Variants in EPB41L1 observed in about 807,000 individuals in gnomAD.
EPB41L1 encodes band 4.1-like protein 1.
EPB41L1 carries 29 observed loss-of-function variants against 97.8 expected under a neutral mutation model. The observed-to-expected ratio is 0.30, with a 90% confidence interval of 0.22 to 0.40. EPB41L1 has a LOEUF of 0.40. Ranked by LOEUF, EPB41L1 falls within the 10% of genes least tolerant of loss-of-function variation. EPB41L1 has a pLI of 1.00. For missense variants in EPB41L1, 812 were observed against 1,162.3 expected (o/e 0.70, Z 4.38); for synonymous variants, 383 against 459.2 (o/e 0.83, Z 2.12).
chr20:36,207,056 C>T lies in EPB41L1; in HGVS notation c.1669-2432C>T. ...GAGCTGAAGGACCGCGAGGCTTCAG[C>T]ATTTCTTCACATGGAGGTGATCATT... On this transcript the variant is annotated intron_variant, in intron 14 of 21. Coordinates refer to ENST00000338074, the MANE Select transcript of EPB41L1 (RefSeq NM_012156.2). This position sits in a 1 kb window ranked among gnomAD's most constrained non-coding sequence, Gnocchi z 4.9. 1 of 1,289,756 alleles carries T rather than the reference C, an allele frequency of 7.8e-7. No individual in the cohort carries two copies. The highest frequency in any genetic ancestry group is 1.2e-5 in the South Asian group (1 of 81,020). The allele number at this position is 1,289,756 out of a possible 1,614,324, so 79.9% of individuals were successfully genotyped here. A position where few individuals can be genotyped will look rare whatever the true frequency, so the allele number is the denominator to read the frequency against.
At chr20:36,203,393 T>C (rs991858494) in intron 14 of EPB41L1, among the ~76,000 whole-genome samples, 9 of 152,252 alleles carry the variant, frequency 5.9e-5, no homozygotes, top group African/African-American at 2.2e-4. Flanking sequence ...GGGCTGGCAT[T>C]GCCTGGCACA....
Position 36,209,371 on chromosome 20 carries a change from TC to T in EPB41L1, c.1669-115del. 4.2e-6 allele frequency: 5 copies of T among 1,194,310 alleles called. No individual in the cohort carries two copies. Among genetic ancestry groups the T allele is most frequent in the Non-Finnish European group, 4.7e-6 (4 of 858,184 alleles). The allele number at this position is 1,194,310 out of a possible 1,614,324, so 74.0% of individuals were successfully genotyped here. Reference sequence around the variant, plus strand: ...TGTTTTTCATTTCCTGGCCTGCTCTTCCATTCAGGATGTCGACACAGCCCCG... The same window carrying T: ...TGTTTTTCATTTCCTGGCCTGCTCTTCATTCAGGATGTCGACACAGCCCCG... On this transcript the variant is annotated intron_variant, in intron 14 of 21. Transcript: ENST00000338074. This position sits in a 1 kb window ranked among gnomAD's most constrained non-coding sequence, Gnocchi z 4.2.
intron 1 of EPB41L1, among the ~76,000 whole-genome samples, chr20:36,097,305 C>T (rs1247635747): frequency 6.6e-6 from 1 of 152,186 alleles, no homozygotes; most frequent in African/African-American, 2.4e-5. Context: ...TTGCCATGTA[C>T]TAGCTGGGGG....
intron 2 of EPB41L1, among the ~76,000 whole-genome samples, chr20:36,133,055 G>T (rs902973758): frequency 6.6e-6 from 1 of 152,248 alleles, no homozygotes; most frequent in Non-Finnish European, 1.5e-5. Flanking sequence ...AATTACACAA[G>T]TGACTAATTT....
Position 36,206,001 on chromosome 20 carries a change from G to A in EPB41L1, c.1669-3487G>A. On this transcript the variant is annotated intron_variant, in intron 14 of 21. Coordinates refer to ENST00000338074, the MANE Select transcript of EPB41L1 (RefSeq NM_012156.2). This position sits in a 1 kb window ranked among gnomAD's most constrained non-coding sequence, Gnocchi z 5.5. ...GACTCTCCAAGGTAGACGTTCTGGT[G>A]GACAAGTTCAAAGTGGAAGTGGCCA... 7.8e-7 allele frequency: 1 copy of A among 1,289,876 alleles called. No individual in the cohort carries two copies. Among genetic ancestry groups the A allele is most frequent in the South Asian group, 1.2e-5 (1 of 81,032 alleles). The allele number at this position is 1,289,876 out of a possible 1,614,324, so 79.9% of individuals were successfully genotyped here.
Position 36,185,301 on chromosome 20 carries a change from G to C in EPB41L1, c.751G>C (p.Glu251Gln), listed in dbSNP as rs2061638813. 4 of 1,613,492 alleles carry C rather than the reference G, an allele frequency of 2.5e-6. No homozygotes were observed. Among genetic ancestry groups the C allele is most frequent in the Non-Finnish European group, 3.4e-6 (4 of 1,180,052 alleles). The part of the protein sequence containing the change: ...RFAPNQTREL[E>Q]ERIMELHKTY... ...CGCCCCTAACCAGACCCGGGAGCTG[G>C]AGGAGAGGATCATGGAGCTGCATAA... The change falls in exon 7 of 22, where the codon GAG becomes CAG. Residue 251 changes from glutamate (E) to glutamine (Q), a missense_variant. Physicochemically the swap from Glu to Gln is conservative, Grantham distance 29 (BLOSUM62 2). Transcript: ENST00000338074.
chr20:36,132,572 G>GT (rs1555836959), intron 2 of EPB41L1, among the ~76,000 whole-genome samples: 2 of 127,168 alleles, frequency 1.6e-5, no homozygotes, highest in Admixed American at 1.5e-4. Context: ...GTGGGCGGGG[G>GT]GGGGGGGCGC....
intron 1 of EPB41L1, chr20:36,155,522 T>A (rs754649180): frequency 3.0e-4 from 133 of 447,318 alleles, no homozygotes; most frequent in Middle Eastern, 3.9e-4. Context: ...CTTGGGGAGG[T>A]CCAAGGGCCC....
chr20:36,211,257 C>T (rs1461598492), intron 15 of EPB41L1, among the ~76,000 whole-genome samples: 2 of 151,798 alleles, frequency 1.3e-5, no homozygotes, highest in Non-Finnish European at 2.9e-5. Flanking sequence ...CGTGGTGGCA[C>T]CCACCTGTAA....
chr20:36,142,928 G>A (rs918301300), intron 2 of EPB41L1, among the ~76,000 whole-genome samples: 6 of 152,192 alleles, frequency 3.9e-5, no homozygotes, highest in African/African-American at 9.7e-5. Flanking sequence ...CATGGCCTCC[G>A]TGGCCATGCT....
intron 16 of EPB41L1, 25 bp from the exon 17 acceptor site, chr20:36,214,332 C>G: frequency 6.2e-7 from 1 of 1,605,410 alleles, no homozygotes. Context: ...CTCTCCCCAG[C>G]TCTAACGACT....
intron 17 of EPB41L1, among the ~76,000 whole-genome samples, chr20:36,214,747 G>T (rs2063341271): frequency 6.6e-6 from 1 of 151,974 alleles, no homozygotes; most frequent in Non-Finnish European, 1.5e-5. Context: ...TGGCACCCAC[G>T]AATCTCATCT....
At chr20:36,114,841 G>T (rs2058535213) in intron 2 of EPB41L1, among the ~76,000 whole-genome samples, 1 of 152,104 alleles carries the variant, frequency 6.6e-6, no homozygotes, top group African/African-American at 2.4e-5. Flanking sequence ...ATTCTGAGTG[G>T]CCAGGTGTGG....
In EPB41L1 at chr20:36,188,224, C is replaced by T. The variant is rs903465799; in HGVS notation, c.874-123C>T. On this transcript the variant is annotated intron_variant, in intron 8 of 21. Transcript: ENST00000338074. ...GGTCAGTGGGACTCCAGCATGGAGGCTCTAACCCTGTTCCTGAGAGCTCGT... is the reference window on the plus strand; with the variant it reads ...GGTCAGTGGGACTCCAGCATGGAGGTTCTAACCCTGTTCCTGAGAGCTCGT... 9 of 1,322,896 alleles carry T rather than the reference C, an allele frequency of 6.8e-6. No homozygotes were observed. The African/African-American group carries it at 1.2e-4, about 17-fold the overall frequency. The allele number at this position is 1,322,896 out of a possible 1,614,324, so 81.9% of individuals were successfully genotyped here.
At chr20:36,165,045 G>A (rs1456369335) in intron 1 of EPB41L1, among the ~76,000 whole-genome samples, 6 of 151,726 alleles carry the variant, frequency 4.0e-5, no homozygotes, top group East Asian at 3.9e-4. Context: ...GCAGTGGTGC[G>A]ATCTGAGCTC....
chr20:36,095,443 G>A (rs1223020898), intron 1 of EPB41L1, among the ~76,000 whole-genome samples: 2 of 152,166 alleles, frequency 1.3e-5, no homozygotes, highest in Non-Finnish European at 2.9e-5. Context: ...ACCCCTTCAT[G>A]TGTTTATCTC....
At chr20:36,136,230 G>A (rs932444003) in intron 2 of EPB41L1, among the ~76,000 whole-genome samples, 1 of 151,792 alleles carries the variant, frequency 6.6e-6, no homozygotes, top group Admixed American at 6.6e-5. Flanking sequence ...GAGTGCAGTG[G>A]CATGCCCTTG....
At position 36,207,399 on chromosome 20, in the gene EPB41L1, T is replaced by C. The variant is rs2146748280; in HGVS notation, c.1669-2089T>C. 7.8e-7 allele frequency: 1 copy of C among 1,289,648 alleles called. No individual in the cohort carries two copies. The highest frequency in any genetic ancestry group is 1.0e-6 in the Non-Finnish European group (1 of 988,766). 79.9% of individuals were successfully genotyped at this position (1,289,648 alleles called of 1,614,324 possible). ...GAAGGGAGATGACCTCTTTCCAGGCTGGGGACCAAGAGGGCTCCCTAGAAG... is the reference window on the plus strand; with the variant it reads ...GAAGGGAGATGACCTCTTTCCAGGCCGGGGACCAAGAGGGCTCCCTAGAAG... On this transcript the variant is annotated intron_variant, in intron 14 of 21. Coordinates refer to ENST00000338074, the MANE Select transcript of EPB41L1 (RefSeq NM_012156.2). The surrounding 1 kb of genome is among the most constrained non-coding windows in gnomAD (Gnocchi z 4.9).
At chr20:36,098,385 C>A (rs550968917) in intron 1 of EPB41L1, among the ~76,000 whole-genome samples, 1 of 152,192 alleles carries the variant, frequency 6.6e-6, no homozygotes, top group East Asian at 1.9e-4. Context: ...TTTACTCCCC[C>A]ACTTGTGGAG....
Sources: allele counts gnomAD v4.1 joint callset (sites outside exome capture counted in the v4.1 genomes callset), GRCh38; gene constraint gnomAD v4.1.1; non-coding constraint Gnocchi (gnomAD v3.1); transcripts MANE v1.5; gene names NCBI Gene and HGNC (gene_info 2026-07-23, HGNC 2026-07-21).